ACOT7: variants seen among roughly 807,000 people sequenced by gnomAD.
The protein encoded by ACOT7 is acyl-CoA thioesterase 7.
ACOT7 carries 12 observed loss-of-function variants against 40.2 expected under a neutral mutation model. That is an observed-to-expected ratio of 0.30 (90% confidence interval 0.19 to 0.48). The LOEUF is 0.48. Among genes scored for constraint, ACOT7 ranks in the 20% least tolerant of loss-of-function variants. ACOT7 has a pLI of 0.99. For missense variants in ACOT7, 395 were observed against 530.8 expected (o/e 0.74, Z 2.51); for synonymous variants, 228 against 219.5 (o/e 1.04, Z -0.34).
chr1:6,337,324 G>A (rs928999313), intron 3 of ACOT7, among the ~76,000 whole-genome samples: 4 of 152,204 alleles, frequency 2.6e-5, no homozygotes, highest in Non-Finnish European at 5.9e-5. Context: ...CTCTGCACAG[G>A]AGCCTCTCCC....
chr1:6,360,598 T>C (rs771155267), intron 1 of ACOT7: 1 of 1,614,228 alleles, frequency 6.2e-7, no homozygotes, highest in East Asian at 2.2e-5. Flanking sequence ...AAACAGGCCC[T>C]GTCGACTTCC....
chr1:6,349,982 G>A, intron 1 of ACOT7, 116 bp from the exon 2 acceptor site: 1 of 1,011,142 alleles, frequency 9.9e-7, no homozygotes, highest in Non-Finnish European at 1.5e-6. Flanking sequence ...GGAGGAAAGA[G>A]AACCTTCCCA....
intron 3 of ACOT7, among the ~76,000 whole-genome samples, chr1:6,337,690 C>T (rs749767529): frequency 3.6e-4 from 54 of 152,090 alleles, no homozygotes; most frequent in Admixed American, 9.8e-4. Flanking sequence ...TCCCAAACTG[C>T]TCGGCTGGGC....
intron 3 of ACOT7, among the ~76,000 whole-genome samples, chr1:6,334,489 C>G (rs1641046733): frequency 6.6e-6 from 1 of 152,260 alleles, no homozygotes; most frequent in East Asian, 1.9e-4. Flanking sequence ...GCCCAAAGCA[C>G]AGAGCAGCGG....
At chr1:6,344,211 G>A (rs975271952) in intron 2 of ACOT7, among the ~76,000 whole-genome samples, 2 of 152,208 alleles carry the variant, frequency 1.3e-5, no homozygotes, top group African/African-American at 4.8e-5. Context: ...AGGCCTTGCA[G>A]GCCAGGATGT....
At chr1:6,342,418 C>A (rs1641302185) in intron 2 of ACOT7, among the ~76,000 whole-genome samples, 1 of 152,190 alleles carries the variant, frequency 6.6e-6, no homozygotes, top group Non-Finnish European at 1.5e-5. Context: ...CTTCCTTATC[C>A]TTTCCAGTGA....
chr1:6,376,478 C>A (rs529027242), intron 1 of ACOT7, among the ~76,000 whole-genome samples: 1 of 151,722 alleles, frequency 6.6e-6, no homozygotes, highest in African/African-American at 2.4e-5. Context: ...CATGTAATCC[C>A]AGCACTTTGG....
chr1:6,292,752 G>C (rs1639706104), intron 7 of ACOT7, among the ~76,000 whole-genome samples: 1 of 150,996 alleles, frequency 6.6e-6, no homozygotes, highest in Non-Finnish European at 1.5e-5. Flanking sequence ...TATAATCTTG[G>C]CTCGCTGCAA....
intron 8 of ACOT7, among the ~76,000 whole-genome samples, chr1:6,276,652 G>A (rs192829637): frequency 6.6e-6 from 1 of 152,142 alleles, no homozygotes; most frequent in Admixed American, 6.5e-5. Context: ...GGGACGGAAC[G>A]CACATGCAGG....
rs564101417 is a variant in ACOT7, at chr1:6,301,277, A to G, written c.713-6297T>C. Among the ~76,000 whole-genome samples the G allele has an allele frequency of 1.3e-5, 2 of 152,210 alleles. No individual in the cohort carries two copies. The highest frequency in any genetic ancestry group is 2.9e-5 in the Non-Finnish European group (2 of 68,032). On this transcript the variant is annotated intron_variant, in intron 6 of 8. Coordinates refer to ENST00000361521, the MANE Select transcript of ACOT7 (RefSeq NM_007274.4). This position sits in a 1 kb window ranked among gnomAD's most constrained non-coding sequence, Gnocchi z 4.1. ...GCAGAATGAGAGAATAAATGGAAGG[A>G]GTTGTAATCAGCTCCTTCAAACCGG...
intron 8 of ACOT7, among the ~76,000 whole-genome samples, chr1:6,270,801 G>A (rs1639011528): frequency 1.3e-5 from 2 of 152,214 alleles, no homozygotes; most frequent in African/African-American, 4.8e-5. Flanking sequence ...AATACCTGAG[G>A]CCAAGTGCAG....
At chr1:6,345,054 G>C (rs1641382646) in intron 2 of ACOT7, among the ~76,000 whole-genome samples, 1 of 152,184 alleles carries the variant, frequency 6.6e-6, no homozygotes, top group African/African-American at 2.4e-5. Flanking sequence ...AGGCCAGTGT[G>C]ATCCAAAACT....
intron 7 of ACOT7, among the ~76,000 whole-genome samples, chr1:6,293,609 G>A (rs1314735751): frequency 6.6e-6 from 1 of 152,228 alleles, no homozygotes; most frequent in Non-Finnish European, 1.5e-5. Flanking sequence ...GCTGAGGTGA[G>A]AGGATCACTT....
Position 6,274,968 on chromosome 1 carries a change from G to C in ACOT7, c.1014+6134C>G, listed in dbSNP as rs527835436. Among the ~76,000 whole-genome samples the C allele has an allele frequency of 6.6e-6, 1 of 152,224 alleles. No homozygotes were observed. The highest frequency in any genetic ancestry group is 2.4e-5 in the African/African-American group (1 of 41,458). ...AGTGGCATCGATGACAGCAGTGAGCGGCCCCCTTTCCCAGTCAGTGAAGTC... is the reference window on the plus strand; with the variant it reads ...AGTGGCATCGATGACAGCAGTGAGCCGCCCCCTTTCCCAGTCAGTGAAGTC... On this transcript the variant is annotated intron_variant, in intron 8 of 8. Coordinates refer to ENST00000361521, the MANE Select transcript of ACOT7 (RefSeq NM_007274.4). The surrounding 1 kb of genome is among the most constrained non-coding windows in gnomAD (Gnocchi z 5.9).
chr1:6,390,223 G>A (rs1220366657), intron 1 of ACOT7, among the ~76,000 whole-genome samples: 1 of 152,156 alleles, frequency 6.6e-6, no homozygotes, highest in Non-Finnish European at 1.5e-5. Context: ...TCATGAGCAG[G>A]GGCAGCCAAG....
chr1:6,377,849 T>C (rs1642262704), intron 1 of ACOT7, among the ~76,000 whole-genome samples: 1 of 152,042 alleles, frequency 6.6e-6, no homozygotes, highest in African/African-American at 2.4e-5. Context: ...GGCGGACGGA[T>C]CACAAGGTCA....
At chr1:6,327,503 G>A in intron 4 of ACOT7, 90 bp from the exon 5 acceptor site, 1 of 1,069,106 alleles carries the variant, frequency 9.4e-7, no homozygotes, top group Non-Finnish European at 1.4e-6. Flanking sequence ...TTATAGCCTT[G>A]TGTAACTGGG....
chr1:6,379,604 C>T (rs947266738), intron 1 of ACOT7, among the ~76,000 whole-genome samples: 3 of 151,750 alleles, frequency 2.0e-5, no homozygotes, highest in Non-Finnish European at 4.4e-5. Context: ...GCTGGTACTA[C>T]AGGCATGCAC....
intron 2 of ACOT7, among the ~76,000 whole-genome samples, chr1:6,346,488 G>T (rs1371101971): frequency 6.6e-6 from 1 of 152,274 alleles, no homozygotes; most frequent in Non-Finnish European, 1.5e-5. Flanking sequence ...CCGAGAAGAA[G>T]CAGAAAAGCC....
Sources: gnomAD v4.1 joint callset for allele counts (sites outside exome capture counted in the v4.1 genomes callset) on GRCh38, gnomAD v4.1.1 for gene constraint, Gnocchi (gnomAD v3.1) non-coding constraint, MANE v1.5 for transcripts, NCBI Gene and HGNC (gene_info 2026-07-23, HGNC 2026-07-21) for gene names.